JHY: variants seen among roughly 807,000 people sequenced by gnomAD.
JHY encodes the protein junctional cadherin complex regulator, also known as jhy protein homolog.
A neutral mutation model predicts 78.0 loss-of-function variants in JHY; 69 were observed. That is an observed-to-expected ratio of 0.88 (90% CI 0.73 to 1.08). JHY has a LOEUF of 1.08. Among genes scored for constraint, JHY ranks in the 50% least tolerant of loss-of-function variants. JHY has a pLI of 0.00. For missense variants in JHY, 944 were observed against 927.8 expected (o/e 1.02, Z -0.23); for synonymous variants, 368 against 342.6 (o/e 1.07, Z -0.82).
intron 3 of JHY, among the ~76,000 whole-genome samples, chr11:122,914,022 G>C (rs909181188): frequency 7.2e-5 from 11 of 152,118 alleles, no homozygotes; most frequent in Non-Finnish European, 2.9e-5. Flanking sequence ...GTCCCATTTG[G>C]AGCCATTTAT....
At chr11:122,924,291 G>A (rs1863444357) in intron 3 of JHY, among the ~76,000 whole-genome samples, 1 of 152,120 alleles carries the variant, frequency 6.6e-6, no homozygotes, top group Non-Finnish European at 1.5e-5. Flanking sequence ...CAACATTGTT[G>A]CATGTGCAGG....
At chr11:122,941,590 A>G (rs1237017881) in intron 5 of JHY, among the ~76,000 whole-genome samples, 1 of 152,176 alleles carries the variant, frequency 6.6e-6, no homozygotes, top group Non-Finnish European at 1.5e-5. Context: ...ACCAAACTAC[A>G]TTGACTCAAA....
chr11:122,929,462 T>C (rs556852445), intron 4 of JHY, among the ~76,000 whole-genome samples: 1 of 151,892 alleles, frequency 6.6e-6, no homozygotes, highest in Admixed American at 6.6e-5. Flanking sequence ...GGTGTGAAAG[T>C]GGGAGGAGGA....
At chr11:122,903,767 C>T (rs959633924) in intron 2 of JHY, among the ~76,000 whole-genome samples, 158 bp from the exon 3 acceptor site, 7 of 152,152 alleles carry the variant, frequency 4.6e-5, no homozygotes, top group African/African-American at 1.7e-4. Flanking sequence ...CAGGTATGAG[C>T]CACTGCACGC....
Position 122,904,458 on chromosome 11 carries a change from A to G in JHY, c.864+14A>G. Reference sequence around the variant, plus strand: ...CATCCAGAACAGGTACGTAGTGGCTACTTTAAAATGTCTTCTGAAACATTA... The same window carrying G: ...CATCCAGAACAGGTACGTAGTGGCTGCTTTAAAATGTCTTCTGAAACATTA... On this transcript the variant is annotated intron_variant, in intron 3 of 8. Transcript: ENST00000227349. 2 of 1,590,376 alleles carry G rather than the reference A, an allele frequency of 1.3e-6. No homozygotes were observed. Among genetic ancestry groups the G allele is most frequent in the Non-Finnish European group, 8.6e-7 (1 of 1,167,582 alleles).
intron 2 of JHY, among the ~76,000 whole-genome samples, chr11:122,902,353 T>C (rs1464147511): frequency 6.6e-6 from 1 of 151,340 alleles, no homozygotes; most frequent in East Asian, 1.9e-4. Flanking sequence ...TAATCCCAGG[T>C]ACTCAGGAGG....
At chr11:122,922,809 C>CAAAAAAAAAAAAAAAAAAAAA (rs571482464) in intron 3 of JHY, among the ~76,000 whole-genome samples, 8 of 44,368 alleles carry the variant, frequency 1.8e-4, no homozygotes, top group African/African-American at 3.6e-4. Flanking sequence ...GACTCCGTCT[C>CAAAAAAAAAAAAAAAAAAAAA]AAAAAAAAAA....
chr11:122,951,402 T>C (rs1469253991), intron 6 of JHY, among the ~76,000 whole-genome samples: 2 of 152,234 alleles, frequency 1.3e-5, no homozygotes, highest in Non-Finnish European at 2.9e-5. Flanking sequence ...GTGTTTGTTG[T>C]CACAGACAAT....
rs1340427174 is a variant in JHY at position 122,917,403 on chromosome 11, C to A, written c.865-7494C>A. Among the ~76,000 whole-genome samples the A allele has an allele frequency of 6.6e-6, 1 of 152,202 alleles. No homozygotes were observed. The highest frequency in any genetic ancestry group is 2.4e-5 in the African/African-American group (1 of 41,452). ...GTTAGAGAAATTGGCAGACGTCTTT[C>A]ATGCAGTCCCTTGTATGTCATTTTA... On this transcript the variant is annotated intron_variant, in intron 3 of 8. Transcript: ENST00000227349. This position sits in a 1 kb window ranked among gnomAD's most constrained non-coding sequence, Gnocchi z 4.1.
At chr11:122,926,523 C>T (rs747593290) in intron 4 of JHY, among the ~76,000 whole-genome samples, 8 of 152,190 alleles carry the variant, frequency 5.3e-5, no homozygotes, top group Non-Finnish European at 8.8e-5. Context: ...AATAAAAAGT[C>T]ATTCACCCAG....
At chr11:122,950,548 T>G (rs1864065932) in intron 6 of JHY, among the ~76,000 whole-genome samples, 1 of 152,182 alleles carries the variant, frequency 6.6e-6, no homozygotes, top group Admixed American at 6.5e-5. Context: ...CCAATATCTC[T>G]TATGACTTGG....
intron 3 of JHY, among the ~76,000 whole-genome samples, chr11:122,921,984 A>T (rs1341634927): frequency 6.6e-6 from 1 of 152,194 alleles, no homozygotes; most frequent in Non-Finnish European, 1.5e-5. Context: ...TGGAAAAAAA[A>T]AAGAGAGAGA....
chr11:122,946,345 T>G (rs975447704), intron 5 of JHY, among the ~76,000 whole-genome samples, 153 bp from the exon 6 acceptor site: 1 of 152,224 alleles, frequency 6.6e-6, no homozygotes, highest in African/African-American at 2.4e-5. Flanking sequence ...AATAAGAAAT[T>G]AATGTATTCA....
At chr11:122,893,708 TA>T (rs766411231) in intron 2 of JHY, among the ~76,000 whole-genome samples, 8 of 152,228 alleles carry the variant, frequency 5.3e-5, no homozygotes, top group African/African-American at 1.4e-4. Context: ...AACTTTAATA[TA>T]TTTTTTTAAT....
intron 4 of JHY, among the ~76,000 whole-genome samples, chr11:122,930,202 T>C (rs1436230288): frequency 6.6e-6 from 1 of 152,158 alleles, no homozygotes; most frequent in African/African-American, 2.4e-5. Context: ...TGCCTCAGCA[T>C]CCCGAGTAGC....
In JHY at chr11:122,903,948, A is replaced by G; in HGVS notation, c.368A>G (p.Tyr123Cys). ...NNRQQPIEDKYSDLRYDPNWK... is the reference protein window; with the variant it reads ...NNRQQPIEDKCSDLRYDPNWK... ...AGGCAACAACCAATAGAAGACAAAT[A>G]TTCAGACCTCCGCTATGACCCGAAC... The change falls in exon 3 of 9, where the codon TAT becomes TGT. Residue 123 changes from tyrosine to cysteine, a missense_variant. Tyr to Cys is a radical substitution (Grantham distance 194). Coordinates refer to ENST00000227349, the MANE Select transcript of JHY (RefSeq NM_024806.4). 1 of 1,600,468 alleles carries G rather than the reference A, an allele frequency of 6.2e-7. No individual in the cohort carries two copies. The highest frequency in any genetic ancestry group is 8.5e-7 in the Non-Finnish European group (1 of 1,171,790).
In JHY at chr11:122,904,437, C is replaced by G; in HGVS notation, c.857C>G (p.Pro286Arg). 1 of 1,612,102 alleles carries G rather than the reference C, an allele frequency of 6.2e-7. No individual in the cohort carries two copies. The highest frequency in any genetic ancestry group is 8.5e-7 in the Non-Finnish European group (1 of 1,178,832). The change falls in exon 3 of 9, where the codon CCA (proline) becomes CGA (arginine). Residue 286 changes from proline to arginine, a missense_variant. Transcript: ENST00000227349. Reference protein sequence around the residue: ...LHNKKRGESHPEQISYPVRVT... With the variant: ...LHNKKRGESHREQISYPVRVT... The stretch of plus-strand genomic sequence containing the variant: ...AATAAAAAAAGAGGGGAATCTCATC[C>G]AGAACAGGTACGTAGTGGCTACTTT...
chr11:122,954,638 C>T (rs999509535), intron 6 of JHY, among the ~76,000 whole-genome samples: 1 of 152,184 alleles, frequency 6.6e-6, no homozygotes, highest in Non-Finnish European at 1.5e-5. Flanking sequence ...AGGAGCACAG[C>T]TGGTCGCGGT....
At chr11:122,950,007 T>A (rs919543765) in intron 6 of JHY, among the ~76,000 whole-genome samples, 34 of 152,060 alleles carry the variant, frequency 2.2e-4, no homozygotes, top group African/African-American at 6.8e-4. Context: ...CTGATTTTTG[T>A]ATTTTTAGTA....
Sources: allele counts gnomAD v4.1 joint callset (sites outside exome capture counted in the v4.1 genomes callset), GRCh38; gene constraint gnomAD v4.1.1; non-coding constraint Gnocchi (gnomAD v3.1); transcripts MANE v1.5; gene names NCBI Gene and HGNC (gene_info 2026-07-23, HGNC 2026-07-21).